Variants in ARHGEF18 observed in about 807,000 individuals in gnomAD.
The protein encoded by ARHGEF18 is rho guanine nucleotide exchange factor 18.
ARHGEF18 carries 93 observed loss-of-function variants against 155.7 expected under a neutral mutation model. The ratio of observed to expected loss-of-function variants is 0.60; its 90% CI spans 0.50 to 0.71. The LOEUF is 0.71. Ranked by LOEUF, ARHGEF18 falls within the 30% of genes least tolerant of loss-of-function variation. The probability of loss-of-function intolerance (pLI) is 0.00; values close to 1 mark genes in which losing one functional copy is unlikely to be tolerated. For missense variants in ARHGEF18, 1,593 were observed against 1,816.1 expected, an observed-to-expected ratio of 0.88 and a Z score of 2.23; for synonymous variants, 742 against 753.1, an observed-to-expected ratio of 0.99 and a Z score of 0.24.
rs775823930 is a variant in ARHGEF18, at chr19:7,451,217, C to G, written c.1806C>G (p.Arg602=). The G allele has an allele frequency of 3.7e-6, 6 of 1,601,652 alleles. No homozygotes were observed. The Admixed American group carries it at 6.8e-5, about 18-fold the overall frequency. The change falls in exon 16 of 29, where the codon CGC becomes CGG. Residue 602 remains arginine, a synonymous_variant. Transcript: ENST00000668164. Reference sequence around the variant, plus strand: ...AGTGCATTCTCCTGGTTACACAACGCATAACCAAATACCCAGTGCTGGTGG... The same window carrying G: ...AGTGCATTCTCCTGGTTACACAACGGATAACCAAATACCCAGTGCTGGTGG... The part of the protein sequence containing the change: ...VQECILLVTQ[R]ITKYPVLVER...
intron 15 of ARHGEF18, 73 bp from the exon 16 acceptor site, chr19:7,451,076 C>G: frequency 1.4e-6 from 2 of 1,403,764 alleles, no homozygotes; most frequent in Non-Finnish European, 2.0e-6. Context: ...CTGTCCGTTT[C>G]TGAGATGTTA....
chr19:7,399,773 C>CTT (rs776187441), intron 10 of ARHGEF18, among the ~76,000 whole-genome samples: 2,252 of 136,126 alleles, frequency 0.017, 85 homozygotes, highest in African/African-American at 0.057. Flanking sequence ...GCCACCACGC[C>CTT]TTTTTTTTTT....
At chr19:7,450,867 C>G (rs36176582) in intron 15 of ARHGEF18, among the ~76,000 whole-genome samples, 1 of 110,424 alleles carries the variant, frequency 9.1e-6, no homozygotes, top group African/African-American at 3.4e-5. Flanking sequence ...TCTTGCTGTC[C>G]GTTTCCGAGA....
At chr19:7,360,462 C>T (rs1969499436) in intron 1 of ARHGEF18, among the ~76,000 whole-genome samples, 1 of 152,160 alleles carries the variant, frequency 6.6e-6, no homozygotes, top group African/African-American at 2.4e-5. Context: ...TCTCAAACTC[C>T]TCACCTCAAG....
At chr19:7,398,288 G>A (rs929394777) in intron 10 of ARHGEF18, among the ~76,000 whole-genome samples, 2 of 151,676 alleles carry the variant, frequency 1.3e-5, no homozygotes, top group Non-Finnish European at 2.9e-5. Flanking sequence ...CCAGGCTGAT[G>A]TCGAACTCCT....
intron 2 of ARHGEF18, among the ~76,000 whole-genome samples, chr19:7,371,418 C>T (rs1325769730): frequency 1.3e-5 from 2 of 152,144 alleles, no homozygotes; most frequent in African/African-American, 2.4e-5. Flanking sequence ...TACAGTGGCT[C>T]ACGCCTGTAA....
At chr19:7,396,197 A>G (rs1207252961) in intron 10 of ARHGEF18, among the ~76,000 whole-genome samples, 2 of 152,172 alleles carry the variant, frequency 1.3e-5, no homozygotes, top group Non-Finnish European at 2.9e-5. Context: ...CCTGGACCAC[A>G]GGATTAAAAA....
In ARHGEF18 at chr19:7,441,746, C is replaced by T. The variant is rs376761723; in HGVS notation, c.1200C>T (p.Thr400=). 102 of 1,614,028 alleles carry T rather than the reference C, an allele frequency of 6.3e-5. 1 individual carries two copies. In the Middle Eastern group the frequency reaches 6.6e-4, roughly 10 times the overall value. Residue 400 remains threonine, a synonymous_variant, in exon 12 of 29, where the codon ACC becomes ACT. Coordinates refer to ENST00000668164, the MANE Select transcript of ARHGEF18 (RefSeq NM_001367823.1). The part of the protein sequence containing the change: ...DDSLSLTSPN[T]ESIFVEDPYT... The stretch of plus-strand genomic sequence containing the variant: ...CTCTGTCCCTTACATCTCCAAACAC[C>T]GAGTCCATTTTTGTAGAAGGTATGG...
At position 7,470,801 on chromosome 19, in the gene ARHGEF18, T is replaced by C; in HGVS notation, c.*503T>C. 1 of 401,166 alleles carries C rather than the reference T, an allele frequency of 2.5e-6. No individual in the cohort carries two copies. Among genetic ancestry groups the C allele is most frequent in the Non-Finnish European group, 4.4e-6 (1 of 226,226 alleles). The allele number at this position is 401,166 out of a possible 1,614,324, so 24.9% of individuals were successfully genotyped here. A position where few individuals can be genotyped will look rare whatever the true frequency, so the allele number is the denominator to read the frequency against. On this transcript the variant is annotated 3_prime_UTR_variant, in exon 29 of 29. Transcript: ENST00000668164. The surrounding 1 kb of genome is among the most constrained non-coding windows in gnomAD (Gnocchi z 5.9). ...GGGGCCAGGTGGCGTCGGCAGCATC[T>C]GTCCCCAGAATCAGGCAGAATCCAC...
At chr19:7,387,836 A>AT (rs987000799) in intron 10 of ARHGEF18, among the ~76,000 whole-genome samples, 2 of 151,230 alleles carry the variant, frequency 1.3e-5, no homozygotes, top group Non-Finnish European at 3.0e-5. Flanking sequence ...TGCCTGGCTA[A>AT]TTTTTTTTAG....
chr19:7,362,325 G>A (rs939201047), intron 1 of ARHGEF18, among the ~76,000 whole-genome samples: 3 of 135,766 alleles, frequency 2.2e-5, no homozygotes, highest in African/African-American at 7.4e-5. Context: ...GAAGGAAGAA[G>A]GTGGAGGAGG....
At chr19:7,452,623 G>A (rs113226106) in intron 16 of ARHGEF18, among the ~76,000 whole-genome samples, 1 of 151,708 alleles carries the variant, frequency 6.6e-6, no homozygotes, top group African/African-American at 2.4e-5. Flanking sequence ...GTGCCACCAC[G>A]CCTGGCTAAT....
chr19:7,474,481 T>C (rs149104808), downstream of ARHGEF18, among the ~76,000 whole-genome samples: 2,472 of 152,220 alleles, frequency 0.016, 74 homozygotes, highest in African/African-American at 0.056. Flanking sequence ...CAGGTTCAAG[T>C]AATTATCCTG....
At position 7,469,971 on chromosome 19, in the gene ARHGEF18, G is replaced by A. The variant is rs111706888; in HGVS notation, c.3855G>A (p.Arg1285=). ...KLMGKDESTS[R]NRRSLSPILP... is the part of the protein sequence containing the mutation. The stretch of plus-strand genomic sequence containing the variant: ...TGGGGAAAGATGAGAGCACCTCACG[G>A]AACCGCCGCTCGCTGAGCCCTATCC... The change falls in exon 28 of 29, where the codon CGG becomes CGA. Residue 1285 remains arginine (R), a synonymous_variant. Coordinates refer to ENST00000668164, the MANE Select transcript of ARHGEF18 (RefSeq NM_001367823.1). 9.1e-3 allele frequency: 14,601 copies of A among 1,613,076 alleles called. 87 individuals are homozygous for A. The highest frequency in any genetic ancestry group is 0.011 in the Non-Finnish European group (13,083 of 1,179,892).
At chr19:7,372,787 C>G in intron 2 of ARHGEF18, 25 bp from the exon 3 acceptor site, 1 of 1,234,466 alleles carries the variant, frequency 8.1e-7, no homozygotes, top group Non-Finnish European at 1.0e-6. Flanking sequence ...GTCTTCTTCT[C>G]CCTCCTCACC....
At chr19:7,411,819 G>A (rs1972703224) in intron 10 of ARHGEF18, among the ~76,000 whole-genome samples, 1 of 151,940 alleles carries the variant, frequency 6.6e-6, no homozygotes, top group African/African-American at 2.4e-5. Flanking sequence ...CTATGAATCT[G>A]ACAACTCTAG....
chr19:7,417,933 T>A (rs955329098), intron 10 of ARHGEF18, among the ~76,000 whole-genome samples: 1 of 152,182 alleles, frequency 6.6e-6, no homozygotes, highest in African/African-American at 2.4e-5. Context: ...GTGGGCAGCA[T>A]AAGGTCTCTG....
At chr19:7,456,245 G>A (rs974566892) in intron 17 of ARHGEF18, 82 bp from the exon 18 acceptor site, 23 of 1,253,672 alleles carry the variant, frequency 1.8e-5, no homozygotes, top group Non-Finnish European at 2.6e-5. Flanking sequence ...ACCTTCCTGG[G>A]AAGTGGCATC....
chr19:7,419,350 A>G (rs1456600015), intron 10 of ARHGEF18, among the ~76,000 whole-genome samples: 1 of 119,954 alleles, frequency 8.3e-6, no homozygotes, highest in Non-Finnish European at 1.8e-5. Context: ...TGGCCCCCGC[A>G]CCCCAGATGC....
Sources: allele counts gnomAD v4.1 joint callset (sites outside exome capture counted in the v4.1 genomes callset), GRCh38; gene constraint gnomAD v4.1.1; non-coding constraint Gnocchi (gnomAD v3.1); transcripts MANE v1.5; gene names NCBI Gene and HGNC (gene_info 2026-07-23, HGNC 2026-07-21).